DCAF5: variants seen among roughly 807,000 people sequenced by gnomAD.
DCAF5 encodes DDB1- and CUL4-associated factor 5.
DCAF5 carries 9 observed loss-of-function variants against 80.7 expected under a neutral mutation model. The observed-to-expected ratio is 0.11, with a 90% CI of 0.07 to 0.19. The LOEUF is 0.19. Among genes scored for constraint, DCAF5 ranks in the 10% least tolerant of loss-of-function variants. DCAF5 has a pLI of 1.00. For synonymous variants in DCAF5, 433 were observed against 461.9 expected (o/e 0.94, Z 0.80); for missense variants, 842 against 1,205.7 (o/e 0.70, Z 4.47).
intron 1 of DCAF5, among the ~76,000 whole-genome samples, chr14:69,147,780 A>C (rs1336765427): frequency 6.6e-6 from 1 of 152,162 alleles, no homozygotes; most frequent in East Asian, 1.9e-4. Flanking sequence ...TATTTGAAAA[A>C]CTTCTAAAGG....
chr14:69,094,452 A>G (rs1188720414), intron 5 of DCAF5, among the ~76,000 whole-genome samples: 1 of 152,186 alleles, frequency 6.6e-6, no homozygotes, highest in Non-Finnish European at 1.5e-5. Flanking sequence ...GACCTCTCAC[A>G]CAAAGAAAGT....
intron 1 of DCAF5, among the ~76,000 whole-genome samples, chr14:69,137,156 T>C (rs1214585052): frequency 6.6e-6 from 1 of 152,214 alleles, no homozygotes; most frequent in Non-Finnish European, 1.5e-5. Context: ...CTTGTATGAT[T>C]TCAACAGGCA....
intron 1 of DCAF5, among the ~76,000 whole-genome samples, chr14:69,146,423 A>C (rs2041539072): frequency 6.6e-6 from 1 of 152,222 alleles, no homozygotes; most frequent in South Asian, 2.1e-4. Context: ...GTGTATCTAT[A>C]AATATTCACA....
chr14:69,116,587 C>T, intron 4 of DCAF5, 92 bp from the exon 5 acceptor site: 2 of 1,488,120 alleles, frequency 1.3e-6, no homozygotes, highest in Non-Finnish European at 1.8e-6. Flanking sequence ...GGTCGGAGCA[C>T]TCTTTAATAA....
At chr14:69,084,844 G>C in intron 6 of DCAF5, 1 of 1,104,380 alleles carries the variant, frequency 9.1e-7, no homozygotes, top group Non-Finnish European at 1.4e-6. Context: ...CAAGAGAACT[G>C]GACATTACTG....
intron 7 of DCAF5, among the ~76,000 whole-genome samples, chr14:69,074,929 G>C (rs1210439714): frequency 6.6e-6 from 1 of 151,952 alleles, no homozygotes; most frequent in Non-Finnish European, 1.5e-5. Flanking sequence ...AGCTACTCAG[G>C]AGGCTGAGGC....
intron 5 of DCAF5, among the ~76,000 whole-genome samples, chr14:69,107,745 A>C (rs1390849322): frequency 6.6e-6 from 1 of 152,202 alleles, no homozygotes; most frequent in Non-Finnish European, 1.5e-5. Context: ...TCATGTCATT[A>C]TACTCAGGGA....
rs1443056455 is a variant in DCAF5, at chr14:69,116,514, T to C, written c.536-19A>G. The C allele has an allele frequency of 1.2e-6, 2 of 1,610,742 alleles. No individual in the cohort carries two copies. Among genetic ancestry groups the C allele is most frequent in the Admixed American group, 1.7e-5 (1 of 59,888 alleles). On this transcript the variant is annotated intron_variant, in intron 4 of 8. Transcript: ENST00000341516. ...AAGGGCTCTGTGGAAAGAAAAATTA[T>C]AATCAGTTCACTCCAGGTACCTGTG...
Position 69,118,666 on chromosome 14 carries a change from C to T in DCAF5, c.396-388G>A, listed in dbSNP as rs2040613136. Among the ~76,000 whole-genome samples, 1 of 152,166 alleles carries T rather than the reference C, an allele frequency of 6.6e-6. No individual in the cohort carries two copies. The highest frequency in any genetic ancestry group is 1.5e-5 in the Non-Finnish European group (1 of 68,040). On this transcript the variant is annotated intron_variant, in intron 3 of 8. Transcript: ENST00000341516. The surrounding 1 kb of genome is among the most constrained non-coding windows in gnomAD (Gnocchi z 4.0). ...GATGCCTACAGGATGGGAGAGGGGTCTCCTAGCAATCTGGCATGGTGATGA... is the reference window on the plus strand; with the variant it reads ...GATGCCTACAGGATGGGAGAGGGGTTTCCTAGCAATCTGGCATGGTGATGA...
intron 7 of DCAF5, among the ~76,000 whole-genome samples, chr14:69,067,314 T>C (rs1391118578): frequency 6.6e-6 from 1 of 150,740 alleles, no homozygotes; most frequent in African/African-American, 2.4e-5. Flanking sequence ...TTTTTTTCCA[T>C]CTTCCTGCAG....
chr14:69,140,736 C>T (rs192692268), intron 1 of DCAF5, among the ~76,000 whole-genome samples: 74 of 152,232 alleles, frequency 4.9e-4, no homozygotes, highest in Admixed American at 4.6e-4. Context: ...ATGTTCATAA[C>T]GGTTTCAGCC....
At position 69,055,344 on chromosome 14, in the gene DCAF5, C is replaced by A. The variant is rs944930696; in HGVS notation, c.1342G>T (p.Ala448Ser). 1 of 1,614,166 alleles carries A rather than the reference C, an allele frequency of 6.2e-7. No individual in the cohort carries two copies. The highest frequency in any genetic ancestry group is 1.1e-5 in the South Asian group (1 of 91,084). ...TAGCCTGAGCGCTCGCTGACCCCAG[C>A]GTGCAGTTGGAGGATAGTACTCTCA... ...LSESTILQLH[A>S]GVSERSGYTD... Residue 448 changes from alanine to serine, a missense_variant, in exon 9 of 9, where the codon GCT becomes TCT. By Grantham distance (99) the Ala-to-Ser change is moderately conservative (BLOSUM62 1). Coordinates refer to ENST00000341516, the MANE Select transcript of DCAF5 (RefSeq NM_003861.3). The surrounding 1 kb of genome is among the most constrained non-coding windows in gnomAD (Gnocchi z 5.6).
intron 1 of DCAF5, among the ~76,000 whole-genome samples, chr14:69,123,799 A>G (rs2040797214): frequency 6.6e-6 from 1 of 152,132 alleles, no homozygotes; most frequent in African/African-American, 2.4e-5. Flanking sequence ...CCCAGGTTCA[A>G]GCGATTCTCC....
chr14:69,062,296 T>C (rs2038246428), intron 8 of DCAF5, 88 bp downstream of exon 8: 2 of 1,374,552 alleles, frequency 1.5e-6, no homozygotes, highest in Non-Finnish European at 2.0e-6. Flanking sequence ...TATGTTTAAA[T>C]ATGAGGTCCT....
chr14:69,126,021 C>T (rs1003639230), intron 1 of DCAF5, among the ~76,000 whole-genome samples: 1 of 151,510 alleles, frequency 6.6e-6, no homozygotes, highest in African/African-American at 2.4e-5. Flanking sequence ...TCCTATATAC[C>T]GGCAATGAAT....
rs895591304 is a variant in DCAF5 at position 69,065,974 on chromosome 14, C to G, written c.947-3463G>C. 5.3e-5 allele frequency among the ~76,000 whole-genome samples: 8 copies of G among 152,244 alleles called. No homozygotes were observed. The South Asian group carries it at 1.7e-3, about 32-fold the overall frequency. On this transcript the variant is annotated intron_variant, in intron 7 of 8. Coordinates refer to ENST00000341516, the MANE Select transcript of DCAF5 (RefSeq NM_003861.3). Reference sequence around the variant, plus strand: ...CACCCCCTGGTTGCTGAACTAAGTCCTGACTGAATCGCTAATAATGGGTAC... The same window carrying G: ...CACCCCCTGGTTGCTGAACTAAGTCGTGACTGAATCGCTAATAATGGGTAC...
intron 1 of DCAF5, among the ~76,000 whole-genome samples, chr14:69,148,119 A>G (rs1257080193): frequency 6.6e-6 from 1 of 152,014 alleles, no homozygotes; most frequent in Non-Finnish European, 1.5e-5. Flanking sequence ...AAAAAAAAAA[A>G]AACTTTAAAC....
chr14:69,079,170 T>C (rs539640395), intron 6 of DCAF5, among the ~76,000 whole-genome samples: 8 of 152,326 alleles, frequency 5.3e-5, no homozygotes, highest in Non-Finnish European at 7.3e-5. Context: ...TACTATTTCA[T>C]CGTGAAGCAT....
chr14:69,146,044 G>T (rs2041527676), intron 1 of DCAF5, among the ~76,000 whole-genome samples: 1 of 152,148 alleles, frequency 6.6e-6, no homozygotes, highest in East Asian at 1.9e-4. Flanking sequence ...TCATCTAAAT[G>T]ACTCCAACTG....
Sources: allele counts gnomAD v4.1 joint callset (sites outside exome capture counted in the v4.1 genomes callset), GRCh38; gene constraint gnomAD v4.1.1; non-coding constraint Gnocchi (gnomAD v3.1); transcripts MANE v1.5; gene names NCBI Gene and HGNC (gene_info 2026-07-23, HGNC 2026-07-21).